Variants in CUL5 observed in about 807,000 individuals in gnomAD.
CUL5 encodes cullin 5.
In CUL5, 26 loss-of-function variants were observed where a neutral mutation model predicts 108.8. The ratio of observed to expected loss-of-function variants is 0.24; its 90% CI spans 0.18 to 0.33. The LOEUF is 0.33. CUL5 is among the 10% of genes least tolerant of loss of function. The probability of loss-of-function intolerance (pLI) is 1.00; values close to 1 mark genes in which losing one functional copy is unlikely to be tolerated. For missense variants in CUL5, 524 were observed against 909.2 expected (o/e 0.58, Z 5.45); for synonymous variants, 334 against 298.0 (o/e 1.12, Z -1.25).
chr11:108,053,641 G>A (rs1018594229), intron 5 of CUL5, among the ~76,000 whole-genome samples: 5 of 147,852 alleles, frequency 3.4e-5, no homozygotes, highest in African/African-American at 1.2e-4. Flanking sequence ...TATTTTATTG[G>A]TATTTTTTCT....
rs1337228341 is a variant in CUL5, at chr11:108,107,637, A to G, written c.*3253A>G. 6.6e-6 allele frequency: 1 copy of G among 152,658 alleles called. No individual in the cohort carries two copies. Among genetic ancestry groups the G allele is most frequent in the Non-Finnish European group, 1.5e-5 (1 of 68,042 alleles). 9.5% of individuals were successfully genotyped at this position (152,658 alleles called of 1,614,324 possible). ...CATACTGAGATGATAATGCTGTACA[A>G]TTTTAAGTGGTAGCAGTTTCTGTAT... On this transcript the variant is annotated 3_prime_UTR_variant, in exon 19 of 19. Transcript: ENST00000393094.
At chr11:108,080,772 C>T (rs887947012) in intron 11 of CUL5, among the ~76,000 whole-genome samples, 25 of 152,056 alleles carry the variant, frequency 1.6e-4, no homozygotes, top group African/African-American at 5.1e-4. Flanking sequence ...GTACTGGATC[C>T]GTATCAGATA....
Position 108,103,699 on chromosome 11 carries a change from G to A in CUL5, c.2149-491G>A, listed in dbSNP as rs76973844. ...AACTTTTAAGAATGTGAATGGCATG[G>A]GAAAAAAGGAATTGAAGGAAATAAT... is the stretch of plus-strand genomic sequence containing the variant. On this transcript the variant is annotated intron_variant, in intron 18 of 18. Coordinates refer to ENST00000393094, the MANE Select transcript of CUL5 (RefSeq NM_003478.6). Among the ~76,000 whole-genome samples, 1,520 of 152,148 alleles carry A rather than the reference G, an allele frequency of 1.0e-2. 32 individuals are homozygous for A. Among genetic ancestry groups the A allele is most frequent in the African/African-American group, 0.035 (1,448 of 41,524 alleles).
intron 16 of CUL5, among the ~76,000 whole-genome samples, chr11:108,096,231 T>A (rs1044910115): frequency 2.0e-5 from 3 of 151,130 alleles, no homozygotes; most frequent in Non-Finnish European, 4.4e-5. Context: ...GGCTCATGGC[T>A]GTAATCCCAG....
intron 7 of CUL5, among the ~76,000 whole-genome samples, chr11:108,058,678 G>T (rs1173925702): frequency 6.6e-6 from 1 of 151,922 alleles, no homozygotes; most frequent in Non-Finnish European, 1.5e-5. Context: ...AATGATATTG[G>T]AGTTAAGACC....
intron 11 of CUL5, among the ~76,000 whole-genome samples, chr11:108,084,536 G>A (rs1435603813): frequency 1.3e-5 from 2 of 152,212 alleles, no homozygotes; most frequent in African/African-American, 2.4e-5. Flanking sequence ...CCCTTTCATA[G>A]CAAAGGATGA....
At chr11:108,074,960 G>C (rs971820581) in intron 10 of CUL5, among the ~76,000 whole-genome samples, 24 of 152,248 alleles carry the variant, frequency 1.6e-4, no homozygotes, top group Admixed American at 1.6e-3. Context: ...CTGAGCCATG[G>C]GAAGGAGTTA....
At chr11:108,078,085 C>CT in intron 10 of CUL5, 91 bp from the exon 11 acceptor site, 1 of 713,962 alleles carries the variant, frequency 1.4e-6, no homozygotes, top group South Asian at 2.3e-5. Flanking sequence ...GAAATAAAAA[C>CT]TAACATATTT....
chr11:108,100,890 G>A (rs543782467), intron 18 of CUL5, among the ~76,000 whole-genome samples: 10 of 152,218 alleles, frequency 6.6e-5, no homozygotes, highest in Non-Finnish European at 1.3e-4. Context: ...CTAGCCAGGT[G>A]TAGTGGTGCA....
At chr11:108,075,401 A>G (rs1050270654) in intron 10 of CUL5, among the ~76,000 whole-genome samples, 1 of 152,224 alleles carries the variant, frequency 6.6e-6, no homozygotes, top group Non-Finnish European at 1.5e-5. Context: ...ATATTTCTGC[A>G]GTTTTAGGAA....
Position 108,072,390 on chromosome 11 carries a change from G to C in CUL5, c.933G>C (p.Leu311Phe). The change falls in exon 9 of 19, where the codon TTG becomes TTC. Residue 311 changes from leucine (L) to phenylalanine (F), a missense_variant. Physicochemically the swap from Leu to Phe is conservative, Grantham distance 22. This residue lies in a region of CUL5 where 170 missense variants were observed against 305.1 expected (regional missense o/e 0.56). Coordinates refer to ENST00000393094, the MANE Select transcript of CUL5 (RefSeq NM_003478.6). Reference protein sequence around the residue: ...DKVPNGIEPMLKDLEEHIISA... With the variant: ...DKVPNGIEPMFKDLEEHIISA... Reference sequence around the variant, plus strand: ...TTCCTAATGGTATAGAGCCAATGTTGAAAGACTTGGAGGAACATATCATTA... The same window carrying C: ...TTCCTAATGGTATAGAGCCAATGTTCAAAGACTTGGAGGAACATATCATTA... 1 of 1,612,190 alleles carries C rather than the reference G, an allele frequency of 6.2e-7. No homozygotes were observed. The highest frequency in any genetic ancestry group is 8.5e-7 in the Non-Finnish European group (1 of 1,178,590).
chr11:108,040,295 A>G (rs893891621), intron 2 of CUL5, among the ~76,000 whole-genome samples: 1 of 152,110 alleles, frequency 6.6e-6, no homozygotes, highest in Non-Finnish European at 1.5e-5. Flanking sequence ...CCTGGGAAAC[A>G]CAGTGAGATT....
At chr11:108,077,783 A>G (rs921510302) in intron 10 of CUL5, among the ~76,000 whole-genome samples, 14 of 152,236 alleles carry the variant, frequency 9.2e-5, no homozygotes, top group African/African-American at 3.4e-4. Context: ...CGTCTCTACT[A>G]AAAATACAAA....
chr11:108,077,268 C>T (rs1281397729), intron 10 of CUL5, among the ~76,000 whole-genome samples: 2 of 152,126 alleles, frequency 1.3e-5, no homozygotes, highest in African/African-American at 4.8e-5. Flanking sequence ...GGGTGTGATC[C>T]GCTGTTTTTA....
chr11:108,085,177 C>T (rs1052268044), intron 11 of CUL5, among the ~76,000 whole-genome samples: 31 of 152,082 alleles, frequency 2.0e-4, no homozygotes, highest in African/African-American at 7.0e-4. Flanking sequence ...TGTAAACAAC[C>T]CAAATATCCA....
chr11:108,048,648 CTTTTTTTTTTTTTTTTTTT>C (rs200991204), intron 3 of CUL5, among the ~76,000 whole-genome samples: 6 of 116,870 alleles, frequency 5.1e-5, no homozygotes, highest in African/African-American at 1.9e-4. Context: ...ACTCCACCAC[CTTTTTTTTTTTTTTTTTTT>C]TTTTTTTTTT....
intron 2 of CUL5, among the ~76,000 whole-genome samples, chr11:108,036,660 T>C (rs1047860463): frequency 6.6e-6 from 1 of 152,168 alleles, no homozygotes; most frequent in African/African-American, 2.4e-5. Flanking sequence ...GTATTTTCAT[T>C]AGAGACAGGT....
chr11:108,030,950 T>G (rs17107675), intron 1 of CUL5, among the ~76,000 whole-genome samples: 17,016 of 152,218 alleles, frequency 0.11, 969 homozygotes, highest in South Asian at 0.13. Flanking sequence ...TAGGTTGTTG[T>G]CAGATCATAT....
chr11:108,082,887 A>G (rs779094644), intron 11 of CUL5, among the ~76,000 whole-genome samples: 44 of 152,048 alleles, frequency 2.9e-4, no homozygotes, highest in Non-Finnish European at 6.0e-4. Flanking sequence ...TCTGCCTCTC[A>G]AAGTGCCAGA....
Sources: allele counts gnomAD v4.1 joint callset (sites outside exome capture counted in the v4.1 genomes callset), GRCh38; gene constraint gnomAD v4.1.1; regional missense constraint gnomAD v4.1.1; transcripts MANE v1.5; gene names NCBI Gene and HGNC (gene_info 2026-07-23, HGNC 2026-07-21).